Variants in ZFHX3 observed in about 807,000 individuals in gnomAD.
ZFHX3 encodes the protein zinc finger homeobox 3.
ZFHX3 carries 42 observed loss-of-function variants against 279.1 expected under a neutral mutation model. That is an observed-to-expected ratio of 0.15 (90% CI 0.12 to 0.19). The LOEUF (loss-of-function observed/expected upper bound fraction) is 0.19, where lower values mean the gene tolerates loss of function less well. ZFHX3 is among the 10% of genes least tolerant of loss of function. The pLI, the probability that ZFHX3 is intolerant of heterozygous loss-of-function variation, is 1.00. For missense variants in ZFHX3, 4,981 were observed against 4,754.0 expected, an observed-to-expected ratio of 1.05 and a Z score of -1.40; for synonymous variants, 2,293 against 1,957.8, an observed-to-expected ratio of 1.17 and a Z score of -4.52.
chr16:73,137,924 T>G (rs528683156), intron 6 of ZFHX3, among the ~76,000 whole-genome samples: 66 of 152,244 alleles, frequency 4.3e-4, no homozygotes, highest in African/African-American at 1.5e-3. Flanking sequence ...ATCCAGTTCT[T>G]TAGTTGATCT....
chr16:73,873,245 G>GGC (rs2029873156), intron 1 of ZFHX3, among the ~76,000 whole-genome samples: 10 of 96,198 alleles, frequency 1.0e-4, no homozygotes, highest in Non-Finnish European at 4.5e-5. Flanking sequence ...GGTAGTGGGT[G>GGC]GTTGGGTGGC....
chr16:72,954,884 C>T lies in ZFHX3; in HGVS notation c.2719+2543G>A, dbSNP rs1035181926. ...GCCAAGGGAAGTATGAAAACAATCA[C>T]CTTGTAAAGAGGAGTGTATTTCACA... On this transcript the variant is annotated intron_variant, in intron 2 of 9. Coordinates refer to ENST00000268489, the MANE Select transcript of ZFHX3 (RefSeq NM_006885.4). Among the ~76,000 whole-genome samples the T allele has an allele frequency of 4.9e-4, 75 of 152,168 alleles. 1 individual carries two copies. Among genetic ancestry groups the T allele is most frequent in the African/African-American group, 1.8e-3 (74 of 41,432 alleles).
At chr16:73,725,470 G>A (rs1206755224) in intron 1 of ZFHX3, among the ~76,000 whole-genome samples, 3 of 152,100 alleles carry the variant, frequency 2.0e-5, no homozygotes, top group African/African-American at 7.2e-5. Flanking sequence ...GGGGCAAAGC[G>A]AGCAACTGAG....
intron 2 of ZFHX3, among the ~76,000 whole-genome samples, chr16:73,526,498 A>C (rs148194317): frequency 6.6e-6 from 1 of 152,218 alleles, no homozygotes; most frequent in Non-Finnish European, 1.5e-5. Flanking sequence ...AAAACCTATA[A>C]AATACAAAAC....
intron 1 of ZFHX3, among the ~76,000 whole-genome samples, chr16:73,038,402 A>C (rs973727807): frequency 6.6e-6 from 1 of 151,304 alleles, no homozygotes; most frequent in Non-Finnish European, 1.5e-5. Flanking sequence ...AGAAGAAAAA[A>C]ACTTCCTCCC....
chr16:72,830,084 C>A (rs553207580), intron 4 of ZFHX3, among the ~76,000 whole-genome samples: 21 of 152,264 alleles, frequency 1.4e-4, no homozygotes, highest in African/African-American at 5.1e-4. Flanking sequence ...GGTTGTGACT[C>A]GCTCCAGATG....
chr16:73,876,127 A>G (rs763821385), intron 1 of ZFHX3, among the ~76,000 whole-genome samples: 2 of 152,234 alleles, frequency 1.3e-5, no homozygotes, highest in East Asian at 1.9e-4. Flanking sequence ...AAACATCCCA[A>G]TCCCTGCATG....
At chr16:73,093,818 A>AT (rs1209072233) in intron 7 of ZFHX3, 5 of 274,076 alleles carry the variant, frequency 1.8e-5, no homozygotes, top group South Asian at 7.7e-5. Context: ...ACTTTTATTT[A>AT]TTTTTCTGGA....
intron 7 of ZFHX3, among the ~76,000 whole-genome samples, chr16:72,804,467 T>C (rs1030693023): frequency 1.3e-5 from 2 of 152,174 alleles, no homozygotes; most frequent in Admixed American, 1.3e-4. Flanking sequence ...TTTTAGGAAA[T>C]TACAAGCTCC....
intron 1 of ZFHX3, among the ~76,000 whole-genome samples, chr16:73,711,074 C>A (rs2053358085): frequency 6.6e-6 from 1 of 152,132 alleles, no homozygotes; most frequent in African/African-American, 2.4e-5. Flanking sequence ...TTTTCAGTAC[C>A]CAAATCAAAG....
At chr16:73,472,370 T>C (rs906652953) in intron 2 of ZFHX3, among the ~76,000 whole-genome samples, 32 of 152,110 alleles carry the variant, frequency 2.1e-4, no homozygotes, top group African/African-American at 7.5e-4. Flanking sequence ...TTAGCTGGCT[T>C]GGTAAAACTA....
intron 3 of ZFHX3, among the ~76,000 whole-genome samples, chr16:72,939,004 A>C (rs578143239): frequency 7.1e-4 from 95 of 134,286 alleles, no homozygotes; most frequent in Non-Finnish European, 9.7e-4. Context: ...TTGCTGACTC[A>C]TGTCTAGGAC....
intron 3 of ZFHX3, among the ~76,000 whole-genome samples, chr16:73,356,521 T>C (rs1027264400): frequency 7.2e-5 from 11 of 152,008 alleles, no homozygotes; most frequent in African/African-American, 2.7e-4. Flanking sequence ...GACACATGCC[T>C]TGTTCTACAT....
At chr16:72,965,537 G>A (rs530617554) in intron 1 of ZFHX3, among the ~76,000 whole-genome samples, 34 of 152,272 alleles carry the variant, frequency 2.2e-4, no homozygotes, top group Middle Eastern at 3.4e-3. Flanking sequence ...ATATTCATTC[G>A]TTCAGCATTT....
chr16:73,446,922 T>G (rs2018196797), intron 3 of ZFHX3, among the ~76,000 whole-genome samples: 1 of 152,138 alleles, frequency 6.6e-6, no homozygotes, highest in Non-Finnish European at 1.5e-5. Context: ...GGCTCACACC[T>G]GTAATCCCAG....
At chr16:73,887,656 T>A (rs11387051) in intron 1 of ZFHX3, among the ~76,000 whole-genome samples, 125,314 of 151,510 alleles carry the variant, frequency 0.83, 52,204 homozygotes, top group African/African-American at 0.86. Flanking sequence ...CCAAAAAATT[T>A]AAAAAAAATA....
chr16:73,019,881 G>A (rs905942471), intron 1 of ZFHX3, among the ~76,000 whole-genome samples: 1 of 152,130 alleles, frequency 6.6e-6, no homozygotes, highest in African/African-American at 2.4e-5. Context: ...ATGAGAGAGC[G>A]GGCTGGCATT....
intron 3 of ZFHX3, among the ~76,000 whole-genome samples, chr16:72,898,570 T>A (rs1340029564): frequency 6.6e-6 from 1 of 152,134 alleles, no homozygotes; most frequent in African/African-American, 2.4e-5. Flanking sequence ...GACTCTTTCC[T>A]GGAAAAACAC....
At chr16:73,577,057 G>A (rs1203105066) in intron 2 of ZFHX3, among the ~76,000 whole-genome samples, 1 of 152,188 alleles carries the variant, frequency 6.6e-6, no homozygotes, top group Non-Finnish European at 1.5e-5. Flanking sequence ...GGGTGTAGGA[G>A]CAGTCACAAA....
Sources: allele counts gnomAD v4.1 joint callset (sites outside exome capture counted in the v4.1 genomes callset), GRCh38; gene constraint gnomAD v4.1.1; transcripts MANE v1.5; gene names NCBI Gene and HGNC (gene_info 2026-07-23, HGNC 2026-07-21).